Variants in FNBP1L observed in about 807,000 individuals in gnomAD.
FNBP1L encodes the protein formin-binding protein 1-like.
A neutral mutation model predicts 91.2 loss-of-function variants in FNBP1L; 36 were observed. The observed-to-expected ratio is 0.39, with a 90% CI of 0.30 to 0.52. The LOEUF is 0.52. Among genes scored for constraint, FNBP1L ranks in the 20% least tolerant of loss-of-function variants. The pLI is 0.66. For synonymous variants in FNBP1L, 242 were observed against 237.0 expected, an observed-to-expected ratio of 1.02 and a Z score of -0.19; for missense variants, 571 against 732.1, an observed-to-expected ratio of 0.78 and a Z score of 2.54.
chr1:93,548,328 CATT>C (rs1672306142), intron 14 of FNBP1L, among the ~76,000 whole-genome samples: 1 of 152,032 alleles, frequency 6.6e-6, no homozygotes, highest in Admixed American at 6.6e-5. Context: ...TAAAATTTTC[CATT>C]ATTAAATCTA....
chr1:93,453,095 G>A (rs1424984103), intron 1 of FNBP1L, among the ~76,000 whole-genome samples: 1 of 152,124 alleles, frequency 6.6e-6, no homozygotes, highest in East Asian at 1.9e-4. Flanking sequence ...ATTGTCTTAT[G>A]GGACTACCAC....
At chr1:93,450,938 T>C (rs114942775) in intron 1 of FNBP1L, among the ~76,000 whole-genome samples, 184 of 152,354 alleles carry the variant, frequency 1.2e-3, no homozygotes, top group African/African-American at 4.2e-3. Context: ...TGTAGTGATG[T>C]GCTGAGTGGA....
intron 12 of FNBP1L, among the ~76,000 whole-genome samples, chr1:93,545,345 T>C (rs1416381538): frequency 1.3e-5 from 2 of 152,188 alleles, no homozygotes; most frequent in Non-Finnish European, 2.9e-5. Context: ...GTCACTGGTT[T>C]GACCACAGTT....
chr1:93,513,751 A>G (rs368529718), intron 2 of FNBP1L, among the ~76,000 whole-genome samples: 3 of 152,176 alleles, frequency 2.0e-5, no homozygotes, highest in Admixed American at 1.3e-4. Context: ...AATAAATTAG[A>G]TATTGATGGG....
intron 2 of FNBP1L, among the ~76,000 whole-genome samples, chr1:93,510,030 G>A (rs983177936): frequency 2.2e-4 from 33 of 152,184 alleles, no homozygotes; most frequent in African/African-American, 7.7e-4. Flanking sequence ...CAGCCAGGCT[G>A]GGGGAGGGGC....
intron 1 of FNBP1L, among the ~76,000 whole-genome samples, chr1:93,463,083 T>A (rs1407513617): frequency 6.6e-6 from 1 of 152,206 alleles, no homozygotes. Context: ...TTGCTCAGAT[T>A]ATTTCAGCTT....
intron 2 of FNBP1L, 33 bp downstream of exon 2, chr1:93,499,616 A>C: frequency 7.9e-7 from 1 of 1,265,442 alleles, no homozygotes; most frequent in Non-Finnish European, 1.1e-6. Context: ...TTTTAGAATG[A>C]AATTACATGT....
chr1:93,518,087 T>C (rs1213361781), intron 2 of FNBP1L, among the ~76,000 whole-genome samples: 2 of 152,248 alleles, frequency 1.3e-5, no homozygotes. Context: ...TTATTGTCTT[T>C]ACAAATGTTT....
At chr1:93,473,856 A>G (rs1383225217) in intron 1 of FNBP1L, among the ~76,000 whole-genome samples, 3 of 152,174 alleles carry the variant, frequency 2.0e-5, no homozygotes, top group Non-Finnish European at 4.4e-5. Flanking sequence ...AAGGGCAAGG[A>G]GAGGCATTGG....
chr1:93,479,016 A>G (rs374403971), intron 1 of FNBP1L, among the ~76,000 whole-genome samples: 26 of 152,228 alleles, frequency 1.7e-4, no homozygotes, highest in African/African-American at 6.0e-4. Flanking sequence ...ACTCTTCTAA[A>G]TCTTATCCCT....
intron 1 of FNBP1L, among the ~76,000 whole-genome samples, chr1:93,475,405 G>T (rs1669457161): frequency 6.6e-6 from 1 of 152,052 alleles, no homozygotes; most frequent in Admixed American, 6.6e-5. Flanking sequence ...TAGGCAGGGT[G>T]GTGCGTGCCT....
chr1:93,530,991 G>A, intron 7 of FNBP1L, 108 bp downstream of exon 7: 1 of 879,234 alleles, frequency 1.1e-6, no homozygotes, highest in Non-Finnish European at 1.7e-6. Context: ...AGACATCAGG[G>A]TTGGGGTGAG....
intron 2 of FNBP1L, among the ~76,000 whole-genome samples, chr1:93,512,625 A>G (rs1402474519): frequency 1.3e-5 from 2 of 150,128 alleles, no homozygotes; most frequent in Non-Finnish European, 1.5e-5. Flanking sequence ...ATCTCACTCA[A>G]AACCGCTCAA....
rs1040055208 is a variant in FNBP1L at position 93,543,079 on chromosome 1, C to G, written c.1165-1028C>G. ...AAAGTGTTGGGATTACAGGCGTGAG[C>G]CACTGCGCCTGGCCTTATTCTTAGA... is the stretch of plus-strand genomic sequence containing the variant. On this transcript the variant is annotated intron_variant, in intron 11 of 16. Transcript: ENST00000271234. Among the ~76,000 whole-genome samples the G allele has an allele frequency of 4.6e-5, 7 of 152,250 alleles. No individual in the cohort carries two copies. The East Asian group carries it at 9.7e-4, about 21-fold the overall frequency.
intron 1 of FNBP1L, among the ~76,000 whole-genome samples, chr1:93,465,003 T>C (rs1669023596): frequency 6.6e-6 from 1 of 152,136 alleles, no homozygotes; most frequent in Non-Finnish European, 1.5e-5. Context: ...TTAGGCTACA[T>C]AGCTACATAA....
At chr1:93,546,809 A>G (rs779161646) in intron 12 of FNBP1L, 33 bp from the exon 13 acceptor site, 129 of 1,607,058 alleles carry the variant, frequency 8.0e-5, no homozygotes, top group Non-Finnish European at 1.1e-4. Context: ...TATGAAGTTA[A>G]TATTTAATTC....
At chr1:93,547,553 A>G (rs1672282904) in intron 14 of FNBP1L, 112 bp downstream of exon 14, 2 of 827,530 alleles carry the variant, frequency 2.4e-6, no homozygotes, top group Non-Finnish European at 3.8e-6. Flanking sequence ...TTAAGCTTTT[A>G]GTAACCTCAG....
Position 93,535,055 on chromosome 1 carries a change from A to G in FNBP1L, c.990+147A>G, listed in dbSNP as rs139322860. On this transcript the variant is annotated intron_variant, in intron 9 of 16. Transcript: ENST00000271234. Reference sequence around the variant, plus strand: ...CAGTTAACCTTTCACTTATATTAGGAATACCTTAACAGTAACAGTTATTTA... The same window carrying G: ...CAGTTAACCTTTCACTTATATTAGGGATACCTTAACAGTAACAGTTATTTA... 80 of 675,600 alleles carry G rather than the reference A, an allele frequency of 1.2e-4. No homozygotes were observed. The East Asian group carries it at 2.1e-3, about 18-fold the overall frequency. 41.9% of individuals were successfully genotyped at this position (675,600 alleles called of 1,614,324 possible). A position where few individuals can be genotyped will look rare whatever the true frequency, so the allele number is the denominator to read the frequency against.
chr1:93,529,468 T>C (rs1024617940), intron 5 of FNBP1L, among the ~76,000 whole-genome samples, 184 bp from the exon 6 acceptor site: 2 of 152,138 alleles, frequency 1.3e-5, no homozygotes, highest in African/African-American at 4.8e-5. Context: ...TACTTTAAGT[T>C]CTGGGATACA....
Sources: allele counts gnomAD v4.1 joint callset (sites outside exome capture counted in the v4.1 genomes callset), GRCh38; gene constraint gnomAD v4.1.1; transcripts MANE v1.5; gene names NCBI Gene and HGNC (gene_info 2026-07-23, HGNC 2026-07-21).